Variants in ATE1 observed in about 807,000 individuals in gnomAD.
ATE1 encodes the protein arginyl-tRNA--protein transferase 1.
In ATE1, 36 loss-of-function variants were observed where a neutral mutation model predicts 70.5. The observed-to-expected ratio is 0.51, with a 90% CI of 0.39 to 0.67. ATE1 has a LOEUF of 0.67. ATE1 is among the 30% of genes least tolerant of loss of function. ATE1 has a pLI of 0.00. For synonymous variants in ATE1, 232 were observed against 219.3 expected, an observed-to-expected ratio of 1.06 and a Z score of -0.51; for missense variants, 593 against 629.5, an observed-to-expected ratio of 0.94 and a Z score of 0.62.
At chr10:121,827,603 C>G (rs1288781194) in intron 10 of ATE1, among the ~76,000 whole-genome samples, 1 of 152,192 alleles carries the variant, frequency 6.6e-6, no homozygotes, top group Non-Finnish European at 1.5e-5. Context: ...AAAACAGTAC[C>G]AAGTCTCATT....
chr10:121,913,897 G>A lies in ATE1; in HGVS notation c.234-4C>T. 6.3e-7 allele frequency: 1 copy of A among 1,598,348 alleles called. No individual in the cohort carries two copies. Among genetic ancestry groups the A allele is most frequent in the Non-Finnish European group, 8.5e-7 (1 of 1,171,108 alleles). On this transcript the variant is annotated splice_polypyrimidine_tract_variant and splice_region_variant and intron_variant, in intron 3 of 11. Coordinates refer to ENST00000224652, the MANE Select transcript of ATE1 (RefSeq NM_001001976.3). The stretch of plus-strand genomic sequence containing the variant: ...CTGAAATTGTAAAGGTCGGCACCTA[G>A]GAAAGCAAAATAAATATTTAAAAAG...
intron 11 of ATE1, among the ~76,000 whole-genome samples, chr10:121,778,486 A>G (rs1355411128): frequency 6.6e-6 from 1 of 152,120 alleles, no homozygotes; most frequent in Non-Finnish European, 1.5e-5. Flanking sequence ...TTGGTAAATG[A>G]AAAGGATCGT....
At chr10:121,902,251 C>G in intron 6 of ATE1, 140 bp downstream of exon 6, 1 of 798,982 alleles carries the variant, frequency 1.3e-6, no homozygotes, top group African/African-American at 1.7e-5. Flanking sequence ...TTACTTCTTC[C>G]CAGTTCTCTT....
chr10:121,751,876 T>C (rs1243635328), intron 11 of ATE1, among the ~76,000 whole-genome samples: 1 of 152,260 alleles, frequency 6.6e-6, no homozygotes, highest in East Asian at 1.9e-4. Context: ...AAGAAAACAC[T>C]GCCCAGTGCA....
intron 10 of ATE1, among the ~76,000 whole-genome samples, chr10:121,827,856 A>G (rs1948088355): frequency 6.6e-6 from 1 of 152,262 alleles, no homozygotes; most frequent in Non-Finnish European, 1.5e-5. Context: ...ATGAACAATA[A>G]AACCAAAAAA....
Position 121,879,357 on chromosome 10 carries a change from C to T in ATE1, c.943-9319G>A, listed in dbSNP as rs553325439. On this transcript the variant is annotated intron_variant, in intron 7 of 11. Coordinates refer to ENST00000224652, the MANE Select transcript of ATE1 (RefSeq NM_001001976.3). The stretch of plus-strand genomic sequence containing the variant: ...TATCCTTATCTATTCTTACCTTCCA[C>T]CACGCTGTCCCTCACTCTATCCCTC... 1.1e-3 allele frequency among the ~76,000 whole-genome samples: 175 copies of T among 152,182 alleles called. 1 individual carries two copies. The highest frequency in any genetic ancestry group is 3.2e-3 in the Middle Eastern group (1 of 316).
intron 10 of ATE1, among the ~76,000 whole-genome samples, chr10:121,790,582 G>C (rs1946393533): frequency 1.3e-5 from 2 of 152,148 alleles, no homozygotes; most frequent in African/African-American, 4.8e-5. Flanking sequence ...TTCTTGCTGA[G>C]CTGACTTGAG....
At chr10:121,757,574 G>A (rs555537151) in intron 11 of ATE1, among the ~76,000 whole-genome samples, 1 of 152,338 alleles carries the variant, frequency 6.6e-6, no homozygotes, top group African/African-American at 2.4e-5. Flanking sequence ...TCACAATCAT[G>A]GTGGAAGGCA....
chr10:121,744,791 G>T (rs1944283145), intron 11 of ATE1, among the ~76,000 whole-genome samples: 1 of 152,180 alleles, frequency 6.6e-6, no homozygotes. Flanking sequence ...CTGTTTCCCA[G>T]CCTTCCTGTG....
At chr10:121,926,119 G>A (rs938507399) in intron 1 of ATE1, among the ~76,000 whole-genome samples, 25 of 152,308 alleles carry the variant, frequency 1.6e-4, no homozygotes, top group African/African-American at 5.8e-4. Flanking sequence ...TGAGGCAGGA[G>A]AATCCCTTTA....
chr10:121,747,934 C>T (rs1347544266), intron 11 of ATE1, among the ~76,000 whole-genome samples: 1 of 152,150 alleles, frequency 6.6e-6, no homozygotes. Context: ...ACATGAATAA[C>T]AATCTCCACC....
upstream of ATE1, chr10:121,928,391 T>A: frequency 6.5e-7 from 1 of 1,531,858 alleles, no homozygotes; most frequent in Non-Finnish European, 8.8e-7. Context: ...GCCGCAGTGG[T>A]AGCCGGCCCT....
intron 1 of ATE1, among the ~76,000 whole-genome samples, chr10:121,924,572 C>T (rs984946773): frequency 3.3e-5 from 5 of 151,292 alleles, no homozygotes; most frequent in East Asian, 1.9e-4. Context: ...TAGTGGCGGG[C>T]GCCTGTAATC....
intron 7 of ATE1, among the ~76,000 whole-genome samples, chr10:121,889,739 G>A (rs4752617): frequency 0.9 from 137,057 of 152,080 alleles, 61,903 homozygotes; most frequent in Middle Eastern, 0.96. Flanking sequence ...CTTCAGCCCA[G>A]AAGTTTAAGG....
chr10:121,756,334 G>A (rs141578651), intron 11 of ATE1, among the ~76,000 whole-genome samples: 1,833 of 152,292 alleles, frequency 0.012, 21 homozygotes, highest in African/African-American at 0.031. Flanking sequence ...ACAGGCTAGC[G>A]TTGAGTGTCT....
intron 7 of ATE1, among the ~76,000 whole-genome samples, chr10:121,874,788 G>A (rs1210667599): frequency 1.3e-5 from 2 of 152,142 alleles, no homozygotes; most frequent in African/African-American, 2.4e-5. Context: ...GGTGGATCAC[G>A]AGGTCAAGAG....
At chr10:121,832,432 G>C (rs1948275416) in intron 10 of ATE1, among the ~76,000 whole-genome samples, 2 of 152,170 alleles carry the variant, frequency 1.3e-5, no homozygotes, top group Admixed American at 1.3e-4. Context: ...ATATGGTTAG[G>C]CTCTGTGTCC....
chr10:121,850,496 G>C (rs778157105), intron 8 of ATE1, among the ~76,000 whole-genome samples: 49 of 152,190 alleles, frequency 3.2e-4, no homozygotes, highest in Non-Finnish European at 5.3e-4. Flanking sequence ...ATGTGGAATT[G>C]TATTTCCTTA....
chr10:121,756,552 G>C (rs1944810340), intron 11 of ATE1, among the ~76,000 whole-genome samples: 1 of 152,226 alleles, frequency 6.6e-6, no homozygotes, highest in Non-Finnish European at 1.5e-5. Context: ...TTTTGCCTGG[G>C]CATCCAGGCA....
Sources: gnomAD v4.1 joint callset for allele counts (sites outside exome capture counted in the v4.1 genomes callset) on GRCh38, gnomAD v4.1.1 for gene constraint, MANE v1.5 for transcripts, NCBI Gene and HGNC (gene_info 2026-07-23, HGNC 2026-07-21) for gene names.